The following FRMD3 variants were observed in gnomAD, a reference collection of about 807,000 sequenced individuals.
FRMD3 encodes the protein FERM domain-containing protein 3.
In FRMD3, 33 loss-of-function variants were observed where a neutral mutation model predicts 70.2. That is an observed-to-expected ratio of 0.47 (90% CI 0.36 to 0.63). The LOEUF (loss-of-function observed/expected upper bound fraction) is 0.63. FRMD3 is among the 20% of genes least tolerant of loss of function. The probability of loss-of-function intolerance (pLI) is 0.00; values close to 1 mark genes in which losing one functional copy is unlikely to be tolerated. For synonymous variants in FRMD3, 279 were observed against 255.9 expected (o/e 1.09, Z -0.86); for missense variants, 632 against 711.4 (o/e 0.89, Z 1.27).
At chr9:83,273,984 A>AT (rs1167324631) in intron 13 of FRMD3, among the ~76,000 whole-genome samples, 5 of 151,804 alleles carry the variant, frequency 3.3e-5, no homozygotes, top group East Asian at 3.9e-4. Context: ...AATTTGGATA[A>AT]TTTTTTTACA....
intron 10 of FRMD3, 82 bp downstream of exon 10, chr9:83,309,454 T>G: frequency 1.3e-6 from 1 of 780,970 alleles, no homozygotes; most frequent in East Asian, 2.6e-5. Flanking sequence ...TTAAAAGAAA[T>G]AAATATGCAG....
intron 3 of FRMD3, among the ~76,000 whole-genome samples, chr9:83,354,271 G>A (rs550937653): frequency 6.6e-6 from 1 of 152,246 alleles, no homozygotes; most frequent in East Asian, 1.9e-4. Flanking sequence ...ATCAATGGTG[G>A]ACTGAATAAA....
rs772860418 is a variant in FRMD3 at position 83,298,765 on chromosome 9, C to T, written c.1053G>A (p.Glu351=). 23 of 1,614,208 alleles carry T rather than the reference C, an allele frequency of 1.4e-5. No individual in the cohort carries two copies. The highest frequency in any genetic ancestry group is 1.9e-5 in the Non-Finnish European group (22 of 1,180,006). Residue 351 remains glutamate (E), a synonymous_variant, in exon 12 of 14, where the codon GAG becomes GAA. Coordinates refer to ENST00000304195, the MANE Select transcript of FRMD3 (RefSeq NM_174938.6). ...VVEASSKIQR[E]PPEVHRANIT... ...CCACTCACCTGTGCACCTCAGGAGGCTCCCTCTGGATCTTGGAACTGGCCT... is the reference window on the plus strand; with the variant it reads ...CCACTCACCTGTGCACCTCAGGAGGTTCCCTCTGGATCTTGGAACTGGCCT...
the FRMD3 span, among the ~76,000 whole-genome samples, chr9:83,561,638 CT>C: frequency 2.3e-4 from 35 of 152,290 alleles, 3 homozygotes; most frequent in African/African-American, 8.4e-4. Context: ...GGAATACTTG[CT>C]AGTCATCATG....
At chr9:83,337,544 A>C (rs1478262818) in intron 5 of FRMD3, among the ~76,000 whole-genome samples, 1 of 152,208 alleles carries the variant, frequency 6.6e-6, no homozygotes, top group Admixed American at 6.5e-5. Flanking sequence ...GAGCCAGAAG[A>C]AGCAAGTGTC....
rs761983764 is a variant in FRMD3 at position 83,407,837 on chromosome 9, G to GTCTCTCTCTCTCTCTCTC, written c.148-18147_148-18130dup. 2.6e-3 allele frequency among the ~76,000 whole-genome samples: 271 copies of GTCTCTCTCTCTCTCTCTC among 103,592 alleles called. 1 individual carries two copies. Among genetic ancestry groups the GTCTCTCTCTCTCTCTCTC allele is most frequent in the East Asian group, 5.6e-3 (16 of 2,860 alleles). The allele number at this position is 103,592 out of a possible 152,430, so 68.0% of individuals were successfully genotyped here. ...GCCAGCAGAGGAGGGGGGTTGTTGA[G>GTCTCTCTCTCTCTCTCTC]TCTCTCTCTCTCTCTCTCTCTCTCT... On this transcript the variant is annotated intron_variant, in intron 1 of 13. Coordinates refer to ENST00000304195, the MANE Select transcript of FRMD3 (RefSeq NM_174938.6).
intron 1 of FRMD3, among the ~76,000 whole-genome samples, chr9:83,392,361 T>C (rs990532220): frequency 1.3e-5 from 2 of 152,146 alleles, no homozygotes; most frequent in African/African-American, 4.8e-5. Flanking sequence ...TGTTGTCATT[T>C]TTGTCCCTTA....
intron 1 of FRMD3, among the ~76,000 whole-genome samples, chr9:83,401,515 A>T (rs1825949677): frequency 1.3e-5 from 2 of 152,242 alleles, no homozygotes; most frequent in Admixed American, 6.5e-5. Flanking sequence ...CAGTCAGGAT[A>T]GGCTAGATTA....
intron 10 of FRMD3, among the ~76,000 whole-genome samples, chr9:83,307,517 G>A (rs1400949620): frequency 2.0e-5 from 3 of 152,164 alleles, no homozygotes. Context: ...TTATAATATG[G>A]GTGAACTTTG....
At chr9:83,575,206 G>A in the FRMD3 span, among the ~76,000 whole-genome samples, 4 of 151,858 alleles carry the variant, frequency 2.6e-5, no homozygotes, top group Non-Finnish European at 2.9e-5. Context: ...GAACTTAAGG[G>A]AAAAAAAAGA....
At chr9:83,552,812 T>C in the FRMD3 span, among the ~76,000 whole-genome samples, 1 of 152,196 alleles carries the variant, frequency 6.6e-6, no homozygotes, top group African/African-American at 2.4e-5. Context: ...TTTTTCTGTT[T>C]TCCATTTGCT....
At chr9:83,308,798 G>C (rs987360127) in intron 10 of FRMD3, among the ~76,000 whole-genome samples, 4 of 152,132 alleles carry the variant, frequency 2.6e-5, no homozygotes, top group Non-Finnish European at 5.9e-5. Context: ...ATACACTGAA[G>C]CCTTCTTACT....
chr9:83,493,351 A>G (rs1040663477), intron 1 of FRMD3, among the ~76,000 whole-genome samples: 2 of 152,226 alleles, frequency 1.3e-5, no homozygotes, highest in Non-Finnish European at 2.9e-5. Context: ...CTCCAGATTC[A>G]GGTGCAGGAA....
At chr9:83,580,048 T>C in the FRMD3 span, among the ~76,000 whole-genome samples, 2 of 152,128 alleles carry the variant, frequency 1.3e-5, no homozygotes, top group East Asian at 3.9e-4. Flanking sequence ...TGTCACTAAT[T>C]ATCAGGGAAA....
intron 13 of FRMD3, among the ~76,000 whole-genome samples, chr9:83,258,679 C>T (rs978112922): frequency 6.6e-6 from 1 of 152,238 alleles, no homozygotes; most frequent in African/African-American, 2.4e-5. Context: ...TAAGTAAAGA[C>T]TGGAGTCTGG....
At chr9:83,581,029 C>A in the FRMD3 span, among the ~76,000 whole-genome samples, 4 of 152,004 alleles carry the variant, frequency 2.6e-5, no homozygotes, top group Non-Finnish European at 5.9e-5. Flanking sequence ...GTGCTAAAAA[C>A]AAGGAGATTC....
chr9:83,572,416 G>A, the FRMD3 span, among the ~76,000 whole-genome samples: 1 of 152,146 alleles, frequency 6.6e-6, no homozygotes, highest in African/African-American at 2.4e-5. Context: ...GAGTATATCA[G>A]AACAAATGGA....
chr9:83,246,977 T>C lies in FRMD3; in HGVS notation c.*941A>G. ...GTTCCTATCTGCCTTCACTCTTGGG[T>C]TAATGTACATTGATATGCAACTGAC... On this transcript the variant is annotated 3_prime_UTR_variant, in exon 14 of 14. Transcript: ENST00000304195. 1 of 985,470 alleles carries C rather than the reference T, an allele frequency of 1.0e-6. No homozygotes were observed. Among genetic ancestry groups the C allele is most frequent in the South Asian group, 4.7e-5 (1 of 21,294 alleles). The allele number at this position is 985,470 out of a possible 1,614,324, so 61.0% of individuals were successfully genotyped here.
chr9:83,285,606 T>C (rs546027729), intron 13 of FRMD3, among the ~76,000 whole-genome samples: 49 of 152,340 alleles, frequency 3.2e-4, no homozygotes, highest in Non-Finnish European at 5.9e-4. Flanking sequence ...GTGTCTGTAA[T>C]TGCCAGTTAC....
Sources: gnomAD v4.1 joint callset for allele counts (sites outside exome capture counted in the v4.1 genomes callset) on GRCh38, gnomAD v4.1.1 for gene constraint, MANE v1.5 for transcripts, NCBI Gene and HGNC (gene_info 2026-07-23, HGNC 2026-07-21) for gene names.